Variants in ATXN8OS observed in about 807,000 individuals in gnomAD.
ATXN8OS encodes the protein ATXN8 opposite strand lncRNA, also known as ATXN8 opposite strand (non-protein coding).
At chr13:70,143,701 A>C (rs1888746270) in intron 3 of ATXN8OS, among the ~76,000 whole-genome samples, 1 of 152,152 alleles carries the variant, frequency 6.6e-6, no homozygotes, top group Non-Finnish European at 1.5e-5. Context: ...ATATTGCAGC[A>C]AATCTAAATA....
At chr13:70,112,085 G>A (rs1888204888) in intron 1 of ATXN8OS, among the ~76,000 whole-genome samples, 1 of 152,148 alleles carries the variant, frequency 6.6e-6, no homozygotes, top group African/African-American at 2.4e-5. Flanking sequence ...AGGCAAAGGG[G>A]AAGCAGGCAC....
At chr13:70,150,784 C>A (rs1441035960) in intron 4 of ATXN8OS, among the ~76,000 whole-genome samples, 1 of 152,106 alleles carries the variant, frequency 6.6e-6, no homozygotes, top group African/African-American at 2.4e-5. Flanking sequence ...TATAACACTA[C>A]ATTGCACACT....
intron 2 of ATXN8OS, among the ~76,000 whole-genome samples, chr13:70,125,728 C>T (rs1888423620): frequency 6.6e-6 from 1 of 152,108 alleles, no homozygotes; most frequent in African/African-American, 2.4e-5. Context: ...CTGAGAATTT[C>T]TGCTTGCATC....
intron 3 of ATXN8OS, among the ~76,000 whole-genome samples, chr13:70,142,746 T>C (rs302015): frequency 0.85 from 129,363 of 152,150 alleles, 55,118 homozygotes; most frequent in East Asian, 1. Flanking sequence ...CTTATAAAGG[T>C]AACCAATATG....
At chr13:70,140,020 T>A (rs547057225) in intron 3 of ATXN8OS, among the ~76,000 whole-genome samples, 1 of 152,250 alleles carries the variant, frequency 6.6e-6, no homozygotes, top group African/African-American at 2.4e-5. Flanking sequence ...ACTCTAACTT[T>A]TAAATTTAGT....
intron 2 of ATXN8OS, among the ~76,000 whole-genome samples, chr13:70,122,318 C>T (rs927692343): frequency 7.9e-5 from 12 of 151,938 alleles, no homozygotes; most frequent in African/African-American, 2.9e-4. Context: ...CTTTAACTTA[C>T]AATTTAAACT....
At chr13:70,134,396 C>A (rs1888580013) in intron 3 of ATXN8OS, among the ~76,000 whole-genome samples, 1 of 152,164 alleles carries the variant, frequency 6.6e-6, no homozygotes, top group African/African-American at 2.4e-5. Context: ...GAGACATAAT[C>A]TTCATAGCCC....
chr13:70,151,764 T>TGC (rs1174570541), intron 4 of ATXN8OS, among the ~76,000 whole-genome samples: 1 of 152,114 alleles, frequency 6.6e-6, no homozygotes, highest in Non-Finnish European at 1.5e-5. Flanking sequence ...ACTTTATATA[T>TGC]GTTTTAGAAG....
intron 3 of ATXN8OS, among the ~76,000 whole-genome samples, chr13:70,134,561 C>G (rs1388572239): frequency 6.6e-6 from 1 of 152,132 alleles, no homozygotes; most frequent in African/African-American, 2.4e-5. Context: ...AAAGCTCATC[C>G]CAAAGCCAGC....
intron 4 of ATXN8OS, among the ~76,000 whole-genome samples, chr13:70,147,775 G>T (rs879718502): frequency 6.6e-6 from 1 of 152,130 alleles, no homozygotes; most frequent in Non-Finnish European, 1.5e-5. Context: ...AGCCTCGGGA[G>T]GTCCTGAGAA....
intron 3 of ATXN8OS, among the ~76,000 whole-genome samples, chr13:70,133,916 A>G (rs896365407): frequency 6.6e-6 from 1 of 152,222 alleles, no homozygotes; most frequent in African/African-American, 2.4e-5. Flanking sequence ...GATGAGAACA[A>G]TATAGAAAGT....
intron 3 of ATXN8OS, among the ~76,000 whole-genome samples, chr13:70,140,642 C>T (rs1395388454): frequency 6.6e-6 from 1 of 151,886 alleles, no homozygotes; most frequent in Non-Finnish European, 1.5e-5. Flanking sequence ...ATGTATAACT[C>T]AGGAATCCTC....
exon 1 of ATXN8OS, chr13:70,107,802 T>C: frequency 4.8e-6 from 4 of 836,836 alleles, no homozygotes; most frequent in Non-Finnish European, 7.2e-6. Flanking sequence ...AGAGGCGGGA[T>C]GCGCCCTCTG....
At chr13:70,167,723 C>CTTTTTTTTTTTTTTTTTTTTTTTTTTTT (rs4053603) in intron 4 of ATXN8OS, among the ~76,000 whole-genome samples, 3 of 61,882 alleles carry the variant, frequency 4.8e-5, no homozygotes, top group African/African-American at 1.1e-4. Flanking sequence ...TATGTAACTT[C>CTTTTTTTTTTTTTTTTTTTTTTTTTTTT]TTTTTTTTTT....
At chr13:70,149,988 G>T in intron 4 of ATXN8OS, among the ~76,000 whole-genome samples, 1 of 152,140 alleles carries the variant, frequency 6.6e-6, no homozygotes, top group East Asian at 1.9e-4. Flanking sequence ...TCCTGAACTA[G>T]ACAGACTTTC....
At chr13:70,159,108 T>C (rs1314809721) in intron 4 of ATXN8OS, among the ~76,000 whole-genome samples, 1 of 152,074 alleles carries the variant, frequency 6.6e-6, no homozygotes, top group African/African-American at 2.4e-5. Context: ...AATACTATAG[T>C]TCAACGTATT....
intron 4 of ATXN8OS, among the ~76,000 whole-genome samples, chr13:70,151,011 T>C (rs1052435351): frequency 1.3e-5 from 2 of 152,136 alleles, no homozygotes; most frequent in African/African-American, 2.4e-5. Flanking sequence ...AATCTGCACA[T>C]ATTTAGTGTA....
chr13:70,110,739 TTTGA>T (rs1347170096), intron 1 of ATXN8OS, among the ~76,000 whole-genome samples: 13 of 152,020 alleles, frequency 8.6e-5, no homozygotes, highest in East Asian at 1.9e-4. Flanking sequence ...AATAAAAAAC[TTTGA>T]TTGATCACTT....
At chr13:70,121,138 T>TA (rs1348747915) in intron 2 of ATXN8OS, among the ~76,000 whole-genome samples, 2 of 150,378 alleles carry the variant, frequency 1.3e-5, no homozygotes, top group Admixed American at 6.6e-5. Flanking sequence ...AGAGAAAAGA[T>TA]AAAAAATAGA....
Sources: allele counts gnomAD v4.1 joint callset (sites outside exome capture counted in the v4.1 genomes callset), GRCh38; gene constraint gnomAD v4.1.1; transcripts MANE v1.5; gene names NCBI Gene and HGNC (gene_info 2026-07-23, HGNC 2026-07-21).